The following SYNRG variants were observed in gnomAD, a reference collection of about 807,000 sequenced individuals.
The protein encoded by SYNRG is AP1 gamma subunit binding protein 1.
SYNRG carries 37 observed loss-of-function variants against 130.9 expected under a neutral mutation model. That is an observed-to-expected ratio of 0.28 (90% confidence interval 0.22 to 0.37). The LOEUF (loss-of-function observed/expected upper bound fraction) is 0.37, where lower values mean the gene tolerates loss of function less well. SYNRG is among the 10% of genes least tolerant of loss of function. The pLI, the probability that SYNRG is intolerant of heterozygous loss-of-function variation, is 1.00. For synonymous variants in SYNRG, 539 were observed against 568.1 expected (o/e 0.95, Z 0.73); for missense variants, 1,338 against 1,588.9 (o/e 0.84, Z 2.68).
At chr17:37,600,663 G>A in intron 1 of SYNRG, 1 of 576,252 alleles carries the variant, frequency 1.7e-6, no homozygotes, top group Non-Finnish European at 3.1e-6. Context: ...GTCCTCTCTG[G>A]ATTCCAGTTT....
At position 37,572,027 on chromosome 17, in the gene SYNRG, C is replaced by G. The variant is rs546528271; in HGVS notation, c.902-40G>C. ...ACCAGATTACAAATGGAAACACATT[C>G]CAAGTGATTTATTTTTTGGGATGCC... is the stretch of plus-strand genomic sequence containing the variant. On this transcript the variant is annotated intron_variant, in intron 8 of 21. Transcript: ENST00000612223. The G allele has an allele frequency of 6.3e-5, 96 of 1,534,694 alleles. 1 individual carries two copies. In the South Asian group the frequency reaches 1.1e-3, roughly 17 times the overall value.
At chr17:37,564,888 T>C (rs2059807393) in intron 11 of SYNRG, among the ~76,000 whole-genome samples, 1 of 152,226 alleles carries the variant, frequency 6.6e-6, no homozygotes, top group Non-Finnish European at 1.5e-5. Context: ...CCTATCCCAG[T>C]GTCTGGCATA....
intron 19 of SYNRG, among the ~76,000 whole-genome samples, chr17:37,526,132 C>CAA (rs35666882): frequency 1.5e-5 from 2 of 132,958 alleles, no homozygotes; most frequent in Admixed American, 7.6e-5. Context: ...GATGCCATCT[C>CAA]AAAAAAAAAA....
Position 37,567,757 on chromosome 17 carries a change from G to A in SYNRG, c.1481+1034C>T, listed in dbSNP as rs984143710. On this transcript the variant is annotated intron_variant, in intron 11 of 21. Transcript: ENST00000612223. Reference sequence around the variant, plus strand: ...TAAGAGATAATCAATTGGCTAAAGGGGAAGAGATGAGCGAAACTGCATAAA... The same window carrying A: ...TAAGAGATAATCAATTGGCTAAAGGAGAAGAGATGAGCGAAACTGCATAAA... 3 of 152,160 alleles carry A rather than the reference G, an allele frequency of 2.0e-5. No homozygotes were observed. In the South Asian group the frequency reaches 6.2e-4, roughly 32 times the overall value. 9.4% of individuals were successfully genotyped at this position (152,160 alleles called of 1,614,324 possible).
At chr17:37,585,273 G>A in intron 5 of SYNRG, 52 bp downstream of exon 5, 2 of 1,395,364 alleles carry the variant, frequency 1.4e-6, no homozygotes, top group Non-Finnish European at 1.0e-6. Context: ...AGTGGGAAGA[G>A]GCACATTCAG....
chr17:37,539,106 G>A, intron 17 of SYNRG, 86 bp downstream of exon 17: 3 of 1,585,916 alleles, frequency 1.9e-6, no homozygotes, highest in Non-Finnish European at 2.6e-6. Context: ...CCTGAAGTTT[G>A]CCTCTGTCAA....
chr17:37,601,641 GT>G (rs941892379), intron 1 of SYNRG, among the ~76,000 whole-genome samples: 18 of 151,786 alleles, frequency 1.2e-4, no homozygotes, highest in African/African-American at 3.9e-4. Context: ...CTCTTCTAAG[GT>G]TTTTTTTAAG....
chr17:37,529,552 A>AG (rs1269826889), intron 19 of SYNRG, among the ~76,000 whole-genome samples: 3 of 150,264 alleles, frequency 2.0e-5, no homozygotes, highest in Admixed American at 6.6e-5. Context: ...AAAAAAAAAA[A>AG]AAAGAAAAGA....
chr17:37,541,945 G>A, intron 15 of SYNRG, 27 bp downstream of exon 15: 1 of 1,587,570 alleles, frequency 6.3e-7, no homozygotes. Context: ...AACCACAATA[G>A]TAAAATCTAC....
rs1228561683 is a variant in SYNRG, at chr17:37,540,296, T to C, written c.3366+84A>G. On this transcript the variant is annotated intron_variant, in intron 16 of 21. Coordinates refer to ENST00000612223, the MANE Select transcript of SYNRG (RefSeq NM_007247.6). ...GTCTTTCTGCCCCTCATTTTCCCCA[T>C]GTGAAAGCTGACAGCATTCTTTCTT... 8 of 1,493,840 alleles carry C rather than the reference T, an allele frequency of 5.4e-6. No homozygotes were observed. In the South Asian group the frequency reaches 8.7e-5, roughly 16 times the overall value. The allele number at this position is 1,493,840 out of a possible 1,614,324, so 92.5% of individuals were successfully genotyped here.
intron 4 of SYNRG, 37 bp downstream of exon 4, chr17:37,586,382 G>A (rs950026459): frequency 2.5e-6 from 4 of 1,611,678 alleles, no homozygotes; most frequent in African/African-American, 2.7e-5. Flanking sequence ...ATGCTATAAT[G>A]TATCTTTGTT....
chr17:37,589,566 C>A (rs954932999), intron 3 of SYNRG, among the ~76,000 whole-genome samples: 1 of 151,476 alleles, frequency 6.6e-6, no homozygotes, highest in Non-Finnish European at 1.5e-5. Flanking sequence ...CTGGCTAACA[C>A]GATGAAATCC....
At chr17:37,519,758 C>A (rs773785298) in intron 21 of SYNRG, among the ~76,000 whole-genome samples, 123 of 152,228 alleles carry the variant, frequency 8.1e-4, no homozygotes, top group Non-Finnish European at 1.5e-3. Flanking sequence ...CAAACCTCAA[C>A]CACTTCCTGG....
At chr17:37,581,447 T>C (rs909626726) in intron 6 of SYNRG, among the ~76,000 whole-genome samples, 3 of 149,748 alleles carry the variant, frequency 2.0e-5, no homozygotes, top group African/African-American at 7.4e-5. Flanking sequence ...CCGGCTAATT[T>C]TTGTATTTTT....
At chr17:37,520,754 C>T (rs921632840) in intron 19 of SYNRG, 106 bp from the exon 20 acceptor site, 5 of 816,078 alleles carry the variant, frequency 6.1e-6, no homozygotes, top group African/African-American at 1.7e-5. Flanking sequence ...AAGTACAGTA[C>T]TCTAACACCA....
chr17:37,541,250 G>A (rs1048920635), intron 15 of SYNRG: 5 of 985,246 alleles, frequency 5.1e-6, no homozygotes, highest in African/African-American at 1.7e-5. Flanking sequence ...TGAAATCAAC[G>A]ACCCCTCCTG....
chr17:37,562,335 C>T (rs2059595849), intron 11 of SYNRG, among the ~76,000 whole-genome samples: 1 of 152,180 alleles, frequency 6.6e-6, no homozygotes, highest in Non-Finnish European at 1.5e-5. Flanking sequence ...TAATGAGTAG[C>T]ATCTGTGCAG....
At position 37,584,634 on chromosome 17, in the gene SYNRG, C is replaced by G. The variant is rs572789276; in HGVS notation, c.589+14G>C. 16 of 1,604,560 alleles carry G rather than the reference C, an allele frequency of 1.0e-5. No homozygotes were observed. In the South Asian group the frequency reaches 1.8e-4, roughly 18 times the overall value. ...CTTCCCAGAAAAGAAAAATATAATG[C>G]CTCTTAAAACTACCTGGTTTCTTGG... On this transcript the variant is annotated intron_variant, in intron 6 of 21. Coordinates refer to ENST00000612223, the MANE Select transcript of SYNRG (RefSeq NM_007247.6).
intron 13 of SYNRG, among the ~76,000 whole-genome samples, chr17:37,556,710 T>TAAA (rs1568376822): frequency 6.6e-6 from 1 of 152,188 alleles, no homozygotes; most frequent in African/African-American, 2.4e-5. Context: ...ATACCACTAG[T>TAAA]AAAACTCAAG....
Sources: allele counts gnomAD v4.1 joint callset (sites outside exome capture counted in the v4.1 genomes callset), GRCh38; gene constraint gnomAD v4.1.1; transcripts MANE v1.5; gene names NCBI Gene and HGNC (gene_info 2026-07-23, HGNC 2026-07-21).